Variants in PLCB1 observed in about 807,000 individuals in gnomAD.
The protein encoded by PLCB1 is 1-phosphatidylinositol 4,5-bisphosphate phosphodiesterase beta-1.
PLCB1 carries 46 observed loss-of-function variants against 161.8 expected under a neutral mutation model. The ratio of observed to expected loss-of-function variants is 0.28; its 90% CI spans 0.22 to 0.36. The LOEUF (loss-of-function observed/expected upper bound fraction) is 0.36. Among genes scored for constraint, PLCB1 ranks in the 10% least tolerant of loss-of-function variants. The pLI, the probability that PLCB1 is intolerant of heterozygous loss-of-function variation, is 1.00. For synonymous variants in PLCB1, 517 were observed against 503.7 expected (o/e 1.03, Z -0.35); for missense variants, 1,016 against 1,472.5 (o/e 0.69, Z 5.07).
At chr20:8,150,242 A>G in intron 1 of PLCB1, 52 bp from the exon 2 acceptor site, 2 of 782,292 alleles carry the variant, frequency 2.6e-6, no homozygotes, top group South Asian at 3.5e-5. Context: ...TCCTGGATAG[A>G]TTTTTCTACA....
At chr20:8,772,281 C>G (rs552051044) in intron 26 of PLCB1, among the ~76,000 whole-genome samples, 1 of 152,262 alleles carries the variant, frequency 6.6e-6, no homozygotes, top group South Asian at 2.1e-4. Flanking sequence ...TTCATCATCT[C>G]AAGTGAGCTT....
At chr20:8,790,984 A>G (rs1983730707) in intron 31 of PLCB1, among the ~76,000 whole-genome samples, 1 of 152,154 alleles carries the variant, frequency 6.6e-6, no homozygotes, top group East Asian at 1.9e-4. Flanking sequence ...TCAATTTAAA[A>G]TATCTACTCT....
chr20:8,239,177 C>T (rs949853654), intron 2 of PLCB1, among the ~76,000 whole-genome samples: 1 of 151,960 alleles, frequency 6.6e-6, no homozygotes, highest in Non-Finnish European at 1.5e-5. Context: ...TAGGATGAGA[C>T]TGAGGTGGAC....
In PLCB1 at chr20:8,789,485, T is replaced by C. The variant is rs751635811; in HGVS notation, c.3279-33T>C. The C allele has an allele frequency of 5.6e-6, 8 of 1,416,096 alleles. No homozygotes were observed. In the South Asian group the frequency reaches 8.1e-5, roughly 14 times the overall value. The allele number at this position is 1,416,096 out of a possible 1,614,324, so 87.7% of individuals were successfully genotyped here. A position where few individuals can be genotyped will look rare whatever the true frequency, so the allele number is the denominator to read the frequency against. On this transcript the variant is annotated intron_variant, in intron 29 of 31. Transcript: ENST00000338037. Reference sequence around the variant, plus strand: ...TACCATTTGTCAATTCTGGATGAATTGGTATAATGATGTATTCATCATTTG... The same window carrying C: ...TACCATTTGTCAATTCTGGATGAATCGGTATAATGATGTATTCATCATTTG...
intron 3 of PLCB1, among the ~76,000 whole-genome samples, chr20:8,490,674 G>T (rs1982906970): frequency 6.6e-6 from 1 of 152,022 alleles, no homozygotes; most frequent in African/African-American, 2.4e-5. Context: ...CTAATACATG[G>T]GTAGTGATAT....
At chr20:8,524,247 C>T (rs1984493714) in intron 3 of PLCB1, among the ~76,000 whole-genome samples, 1 of 151,954 alleles carries the variant, frequency 6.6e-6, no homozygotes, top group Non-Finnish European at 1.5e-5. Context: ...TTAAAATACA[C>T]CCATATGGCT....
At chr20:8,253,440 A>G (rs1981257221) in intron 2 of PLCB1, among the ~76,000 whole-genome samples, 1 of 151,988 alleles carries the variant, frequency 6.6e-6, no homozygotes, top group South Asian at 2.1e-4. Flanking sequence ...AGACTGACAT[A>G]TTTATCCTCA....
intron 2 of PLCB1, among the ~76,000 whole-genome samples, chr20:8,161,336 CTATGCAA>C (rs2123051137): frequency 6.6e-6 from 1 of 152,118 alleles, no homozygotes; most frequent in Admixed American, 6.6e-5. Flanking sequence ...GTTAACAGAC[CTATGCAA>C]TTTCGTCATT....
At chr20:8,245,269 A>G (rs1373500927) in intron 2 of PLCB1, among the ~76,000 whole-genome samples, 1 of 151,842 alleles carries the variant, frequency 6.6e-6, no homozygotes, top group Admixed American at 6.6e-5. Flanking sequence ...AAGCTCATAT[A>G]ATAAGGCATA....
intron 18 of PLCB1, among the ~76,000 whole-genome samples, chr20:8,730,935 A>G (rs1341648119): frequency 6.6e-6 from 1 of 151,790 alleles, no homozygotes; most frequent in Non-Finnish European, 1.5e-5. Flanking sequence ...AACTCTTATA[A>G]TAGCCTATTT....
chr20:8,690,123 C>T (rs181889446), intron 10 of PLCB1, among the ~76,000 whole-genome samples: 1 of 138,102 alleles, frequency 7.2e-6, no homozygotes, highest in African/African-American at 2.6e-5. Flanking sequence ...ATTGTATTCT[C>T]ATCTAAGGGG....
intron 9 of PLCB1, among the ~76,000 whole-genome samples, chr20:8,672,082 AT>A (rs1323592746): frequency 6.6e-6 from 1 of 152,220 alleles, no homozygotes; most frequent in East Asian, 1.9e-4. Flanking sequence ...GCATAGCATC[AT>A]GTTTAATGGC....
chr20:8,850,400 A>G (rs1160076994), intron 31 of PLCB1, among the ~76,000 whole-genome samples: 1 of 152,222 alleles, frequency 6.6e-6, no homozygotes, highest in African/African-American at 2.4e-5. Flanking sequence ...ATTCCTGAGA[A>G]AGCAGACCAG....
chr20:8,688,834 T>G (rs868097185), intron 10 of PLCB1, among the ~76,000 whole-genome samples: 52 of 152,208 alleles, frequency 3.4e-4, no homozygotes, highest in African/African-American at 1.2e-3. Flanking sequence ...GCGGGCTATT[T>G]TTTGGTTCCG....
Position 8,647,950 on chromosome 20 carries a change from A to G in PLCB1, c.515A>G (p.Lys172Arg), listed in dbSNP as rs772061885. The G allele has an allele frequency of 6.4e-7, 1 of 1,558,816 alleles. No homozygotes were observed. Among genetic ancestry groups the G allele is most frequent in the South Asian group, 1.2e-5 (1 of 84,056 alleles). ...QVTPEGRIPLKNIYRLFSADR... is the reference protein window; with the variant it reads ...QVTPEGRIPLRNIYRLFSADR... ...ACTCCAGAAGGGCGTATTCCTCTCAAAAAGTAAGCTTTGTGAGCATTTCTC... is the reference window on the plus strand; with the variant it reads ...ACTCCAGAAGGGCGTATTCCTCTCAGAAAGTAAGCTTTGTGAGCATTTCTC... Residue 172 changes from lysine to arginine, a missense_variant, in exon 6 of 32, where the codon AAA (lysine) becomes AGA (arginine). Around this residue, in one of 10 missense-constraint regions of PLCB1, gnomAD observed 181 missense variants for 236.7 expected, o/e 0.76. Coordinates refer to ENST00000338037, the MANE Select transcript of PLCB1 (RefSeq NM_015192.4).
intron 9 of PLCB1, among the ~76,000 whole-genome samples, chr20:8,684,126 T>A (rs183995140): frequency 1.3e-5 from 2 of 152,102 alleles, no homozygotes; most frequent in Non-Finnish European, 2.9e-5. Flanking sequence ...CCTTGTGATC[T>A]GCCCACCTTG....
At chr20:8,538,224 A>G (rs1030678044) in intron 3 of PLCB1, among the ~76,000 whole-genome samples, 1 of 152,264 alleles carries the variant, frequency 6.6e-6, no homozygotes, top group African/African-American at 2.4e-5. Context: ...ATAAAGAGAT[A>G]TTTGCAAATA....
rs1206489907 is a variant in PLCB1, at chr20:8,523,490, C to CCATATATATATATATA, written c.247-104804_247-104803insCATATATATATATATA. ...GCTCTCTCTCTCTCTCTCTCTCTCTCTCTCTCTATATATATATATATATAT... is the reference window on the plus strand; with the variant it reads ...GCTCTCTCTCTCTCTCTCTCTCTCTCCATATATATATATATATCTCTCTATATATATATATATATAT... On this transcript the variant is annotated intron_variant, in intron 3 of 31. Coordinates refer to ENST00000338037, the MANE Select transcript of PLCB1 (RefSeq NM_015192.4). 7.0e-3 allele frequency among the ~76,000 whole-genome samples: 471 copies of CCATATATATATATATA among 67,550 alleles called. 63 individuals are homozygous for CCATATATATATATATA. The highest frequency in any genetic ancestry group is 0.018 in the African/African-American group (271 of 15,370). The allele number at this position is 67,550 out of a possible 152,430, so 44.3% of individuals were successfully genotyped here.
intron 3 of PLCB1, among the ~76,000 whole-genome samples, chr20:8,585,344 C>A: frequency 6.6e-6 from 1 of 152,304 alleles, no homozygotes; most frequent in South Asian, 2.1e-4. Flanking sequence ...ACTCCATTGC[C>A]AAGACTCCAG....
Sources: gnomAD v4.1 joint callset for allele counts (sites outside exome capture counted in the v4.1 genomes callset) on GRCh38, gnomAD v4.1.1 for gene constraint, gnomAD v4.1.1 regional missense constraint, MANE v1.5 for transcripts, NCBI Gene and HGNC (gene_info 2026-07-23, HGNC 2026-07-21) for gene names.